The following MAD1L1 variants were observed in gnomAD, a reference collection of about 807,000 sequenced individuals.
MAD1L1 encodes the protein mitotic arrest deficient 1 like 1.
A neutral mutation model predicts 96.9 loss-of-function variants in MAD1L1; 95 were observed. The ratio of observed to expected loss-of-function variants is 0.98; its 90% CI spans 0.83 to 1.16. The LOEUF is 1.16. Ranked by LOEUF, MAD1L1 falls within the 50% of genes most tolerant of loss-of-function variation. The pLI, the probability that MAD1L1 is intolerant of heterozygous loss-of-function variation, is 0.00. For synonymous variants in MAD1L1, 473 were observed against 396.6 expected (o/e 1.19, Z -2.29); for missense variants, 1,007 against 954.4 (o/e 1.06, Z -0.73).
At chr7:2,065,719 C>T (rs1584237508) in intron 12 of MAD1L1, among the ~76,000 whole-genome samples, 1 of 152,200 alleles carries the variant, frequency 6.6e-6, no homozygotes, top group East Asian at 1.9e-4. Context: ...TCAGCAGCCA[C>T]GACGTGAGTC....
At chr7:2,211,559 T>C (rs1792949846) in intron 10 of MAD1L1, among the ~76,000 whole-genome samples, 2 of 152,180 alleles carry the variant, frequency 1.3e-5, no homozygotes, top group African/African-American at 2.4e-5. Flanking sequence ...AGGTTTCTCA[T>C]CTGGCCAGAG....
intron 18 of MAD1L1, among the ~76,000 whole-genome samples, chr7:1,832,133 C>A (rs531327920): frequency 1.9e-4 from 29 of 152,212 alleles, no homozygotes; most frequent in Admixed American, 1.8e-3. Context: ...ATTCTAGATG[C>A]CATTAAGAAC....
chr7:1,882,325 C>T (rs1050352278), intron 18 of MAD1L1, among the ~76,000 whole-genome samples: 1 of 152,214 alleles, frequency 6.6e-6, no homozygotes, highest in African/African-American at 2.4e-5. Context: ...GACGTGAAGT[C>T]AGCATGCGTT....
rs534404605 is a variant in MAD1L1 at position 2,090,386 on chromosome 7, A to T, written c.1074-21048T>A. ...TCCTTACCTCAGGGGTTTTTAAAGT[A>T]AATTTTGATTTTGATTTTGGAACGA... On this transcript the variant is annotated intron_variant, in intron 11 of 18. Coordinates refer to ENST00000265854, the MANE Select transcript of MAD1L1 (RefSeq NM_001013836.2). 2.8e-3 allele frequency among the ~76,000 whole-genome samples: 426 copies of T among 152,282 alleles called. 2 individuals carry two copies. The highest frequency in any genetic ancestry group is 0.01 in the African/African-American group (417 of 41,558).
rs12699567 is a variant in MAD1L1, at chr7:1,992,176, T to G, written c.1416+9889A>C. On this transcript the variant is annotated intron_variant, in intron 14 of 18. Coordinates refer to ENST00000265854, the MANE Select transcript of MAD1L1 (RefSeq NM_001013836.2). Reference sequence around the variant, plus strand: ...CACCAGAGCGCCACTGCTGGCCTCATGAGCACCGCTGGGTGCCTGAGCACC... The same window carrying G: ...CACCAGAGCGCCACTGCTGGCCTCAGGAGCACCGCTGGGTGCCTGAGCACC... Among the ~76,000 whole-genome samples, 2 of 70,248 alleles carry G rather than the reference T, an allele frequency of 2.8e-5. 1 individual carries two copies. The highest frequency in any genetic ancestry group is 1.0e-4 in the African/African-American group (2 of 19,192). The allele number at this position is 70,248 out of a possible 152,430, so 46.1% of individuals were successfully genotyped here. A position where few individuals can be genotyped will look rare whatever the true frequency, so the allele number is the denominator to read the frequency against.
At chr7:1,954,703 C>T (rs1388571401) in intron 16 of MAD1L1, among the ~76,000 whole-genome samples, 1 of 152,230 alleles carries the variant, frequency 6.6e-6, no homozygotes, top group East Asian at 1.9e-4. Flanking sequence ...TGCCTCCTAA[C>T]ATGGAGAGTC....
intron 11 of MAD1L1, among the ~76,000 whole-genome samples, chr7:2,090,374 G>T (rs1786146429): frequency 6.6e-6 from 1 of 152,302 alleles, no homozygotes; most frequent in East Asian, 1.9e-4. Context: ...TTACCTCAGG[G>T]GTTTTTAAAG....
At chr7:2,002,904 C>T (rs1470959011) in intron 13 of MAD1L1, among the ~76,000 whole-genome samples, 2 of 152,244 alleles carry the variant, frequency 1.3e-5, no homozygotes, top group African/African-American at 4.8e-5. Flanking sequence ...CCTTCCCCCA[C>T]ATCCTCTCCC....
chr7:1,859,339 T>C (rs1202283801), intron 18 of MAD1L1, among the ~76,000 whole-genome samples: 1 of 152,170 alleles, frequency 6.6e-6, no homozygotes, highest in African/African-American at 2.4e-5. Flanking sequence ...CGTCTCCATA[T>C]CGGCCCTTCC....
intron 12 of MAD1L1, among the ~76,000 whole-genome samples, chr7:2,052,057 T>C (rs1784203579): frequency 6.6e-6 from 1 of 152,106 alleles, no homozygotes; most frequent in Non-Finnish European, 1.5e-5. Flanking sequence ...AGTCAACACC[T>C]GTGCACCCCC....
intron 12 of MAD1L1, among the ~76,000 whole-genome samples, chr7:2,060,723 G>A (rs186531072): frequency 3.3e-4 from 51 of 152,332 alleles, no homozygotes; most frequent in Middle Eastern, 3.4e-3. Flanking sequence ...GGGAGAAGGC[G>A]GCCTTGCAAT....
intron 15 of MAD1L1, among the ~76,000 whole-genome samples, chr7:1,962,461 A>C (rs1112057): frequency 1.3e-5 from 2 of 152,206 alleles, no homozygotes; most frequent in Non-Finnish European, 2.9e-5. Flanking sequence ...GAAAAATTGG[A>C]CTTTATCATA....
intron 18 of MAD1L1, among the ~76,000 whole-genome samples, chr7:1,870,949 C>A (rs868745929): frequency 0.016 from 2,397 of 146,936 alleles, 49 homozygotes; most frequent in African/African-American, 0.06. Flanking sequence ...CATGCTGAAC[C>A]CACCGTAACA....
At chr7:1,829,808 G>A (rs1300229315) in intron 18 of MAD1L1, 1 of 151,578 alleles carries the variant, frequency 6.6e-6, no homozygotes, top group East Asian at 1.9e-4. Flanking sequence ...TAGTACAGAT[G>A]AAATCTTAAA....
At chr7:2,002,284 T>C (rs1390914085) in intron 13 of MAD1L1, among the ~76,000 whole-genome samples, 163 bp from the exon 14 acceptor site, 1 of 152,122 alleles carries the variant, frequency 6.6e-6, no homozygotes, top group Non-Finnish European at 1.5e-5. Context: ...CAGGGGCCAG[T>C]GTGGCTGCCC....
intron 11 of MAD1L1, among the ~76,000 whole-genome samples, chr7:2,138,604 C>T (rs1788872671): frequency 6.6e-6 from 1 of 152,148 alleles, no homozygotes; most frequent in Non-Finnish European, 1.5e-5. Flanking sequence ...ATGGGGCCTC[C>T]CCCGCTCTCA....
chr7:1,890,898 C>G (rs1330927371), intron 18 of MAD1L1, among the ~76,000 whole-genome samples: 2 of 152,238 alleles, frequency 1.3e-5, no homozygotes, highest in Admixed American at 1.3e-4. Context: ...CACAGCCTTC[C>G]TGTCTGGGAT....
At chr7:2,177,085 T>C (rs1790983656) in intron 10 of MAD1L1, among the ~76,000 whole-genome samples, 1 of 152,174 alleles carries the variant, frequency 6.6e-6, no homozygotes, top group South Asian at 2.1e-4. Flanking sequence ...TCACATTCCA[T>C]AATATGTTTT....
At chr7:1,952,366 C>T (rs1372416428) in intron 16 of MAD1L1, among the ~76,000 whole-genome samples, 1 of 152,228 alleles carries the variant, frequency 6.6e-6, no homozygotes, top group Non-Finnish European at 1.5e-5. Flanking sequence ...CCACGAGCCA[C>T]GGGAGGAAAC....
Sources: gnomAD v4.1 joint callset for allele counts (sites outside exome capture counted in the v4.1 genomes callset) on GRCh38, gnomAD v4.1.1 for gene constraint, MANE v1.5 for transcripts, NCBI Gene and HGNC (gene_info 2026-07-23, HGNC 2026-07-21) for gene names.